MYO16: variants seen among roughly 807,000 people sequenced by gnomAD.
MYO16 encodes myosin XVI, also known as unconventional myosin-XVI.
In MYO16, 94 loss-of-function variants were observed where a neutral mutation model predicts 205.3. The ratio of observed to expected loss-of-function variants is 0.46; its 90% CI spans 0.39 to 0.54. The LOEUF (loss-of-function observed/expected upper bound fraction) is 0.54. Ranked by LOEUF, MYO16 falls within the 20% of genes least tolerant of loss-of-function variation. MYO16 has a pLI of 0.00. For synonymous variants in MYO16, 988 were observed against 954.0 expected (o/e 1.04, Z -0.66); for missense variants, 2,315 against 2,387.5 (o/e 0.97, Z 0.63).
chr13:108,622,393 G>A (rs543622008), intron 1 of MYO16, among the ~76,000 whole-genome samples: 2 of 152,202 alleles, frequency 1.3e-5, no homozygotes, highest in African/African-American at 4.8e-5. Context: ...CTGACCTTTA[G>A]GGAGTGACAG....
chr13:108,635,223 A>G (rs1880167941), intron 1 of MYO16, among the ~76,000 whole-genome samples: 1 of 152,204 alleles, frequency 6.6e-6, no homozygotes, highest in South Asian at 2.1e-4. Flanking sequence ...CAGCAATCAA[A>G]GGACTCGCAT....
intron 1 of MYO16, among the ~76,000 whole-genome samples, chr13:108,609,497 G>A (rs1372350817): frequency 2.6e-5 from 4 of 152,142 alleles, no homozygotes; most frequent in Non-Finnish European, 5.9e-5. Context: ...GTGAATGAAT[G>A]AAGGAACAAT....
chr13:109,089,036 A>G (rs1888535352), intron 27 of MYO16, among the ~76,000 whole-genome samples: 1 of 152,162 alleles, frequency 6.6e-6, no homozygotes, highest in Admixed American at 6.5e-5. Context: ...TAAGGACATT[A>G]AAATACTAGT....
intron 1 of MYO16, among the ~76,000 whole-genome samples, chr13:108,658,741 T>C (rs764412823): frequency 3.9e-4 from 60 of 152,182 alleles, no homozygotes; most frequent in Non-Finnish European, 1.6e-4. Context: ...TTCAATTATG[T>C]TAAGAAAACG....
chr13:108,878,850 C>T (rs777721595), intron 12 of MYO16, among the ~76,000 whole-genome samples: 8 of 152,234 alleles, frequency 5.3e-5, no homozygotes, highest in Non-Finnish European at 1.0e-4. Context: ...AGCCACACCC[C>T]GTCACACATC....
intron 6 of MYO16, among the ~76,000 whole-genome samples, chr13:108,801,830 T>C (rs1368182339): frequency 6.6e-6 from 1 of 152,224 alleles, no homozygotes; most frequent in Non-Finnish European, 1.5e-5. Context: ...ATTGTCTAGT[T>C]AGTACACAGT....
intron 20 of MYO16, among the ~76,000 whole-genome samples, chr13:108,965,443 G>A (rs559271928): frequency 6.6e-6 from 1 of 152,020 alleles, no homozygotes; most frequent in South Asian, 2.1e-4. Context: ...TTTCACTCTT[G>A]TTGCCCAGGC....
At chr13:108,520,312 C>T in the MYO16 span, among the ~76,000 whole-genome samples, 807 of 152,138 alleles carry the variant, frequency 5.3e-3, 12 homozygotes, top group African/African-American at 0.019. Context: ...TAGATGCATA[C>T]ACAATTATGT....
intron 4 of MYO16, among the ~76,000 whole-genome samples, chr13:108,730,374 T>C (rs1884482123): frequency 1.3e-5 from 2 of 152,166 alleles, no homozygotes; most frequent in African/African-American, 4.8e-5. Context: ...CTTTTCTTTA[T>C]AAATTACCCA....
intron 34 of MYO16, among the ~76,000 whole-genome samples, chr13:109,201,148 T>G (rs1880376339): frequency 6.6e-6 from 1 of 152,186 alleles, no homozygotes; most frequent in South Asian, 2.1e-4. Context: ...AATTGGATAT[T>G]TATTATTTCA....
chr13:109,041,558 G>A (rs1041942382), intron 23 of MYO16, among the ~76,000 whole-genome samples: 10 of 152,116 alleles, frequency 6.6e-5, no homozygotes, highest in African/African-American at 2.4e-4. Context: ...AACTGATTTT[G>A]GGGAAGTGAA....
At chr13:108,999,189 A>G (rs1198490025) in intron 21 of MYO16, among the ~76,000 whole-genome samples, 1 of 152,218 alleles carries the variant, frequency 6.6e-6, no homozygotes, top group Non-Finnish European at 1.5e-5. Flanking sequence ...GCTATTAGAT[A>G]TCAATATTGA....
intron 27 of MYO16, among the ~76,000 whole-genome samples, chr13:109,063,390 G>A (rs917551733): frequency 1.2e-4 from 19 of 152,144 alleles, no homozygotes; most frequent in African/African-American, 3.9e-4. Context: ...TTGGAGACAG[G>A]AGGAACAATA....
intron 1 of MYO16, among the ~76,000 whole-genome samples, chr13:108,658,173 T>C (rs1281998823): frequency 6.6e-6 from 1 of 152,162 alleles, no homozygotes; most frequent in Admixed American, 6.5e-5. Context: ...TAAAGACAGG[T>C]TAAATCATTT....
chr13:108,941,528 T>A (rs1447370717), intron 16 of MYO16, among the ~76,000 whole-genome samples: 2 of 151,782 alleles, frequency 1.3e-5, no homozygotes, highest in African/African-American at 4.8e-5. Flanking sequence ...AATACAAAAA[T>A]TAGCTGGGCA....
At chr13:109,142,157 A>G (rs1306867783) in intron 32 of MYO16, among the ~76,000 whole-genome samples, 2 of 152,240 alleles carry the variant, frequency 1.3e-5, no homozygotes, top group Non-Finnish European at 2.9e-5. Context: ...GGCTAACCAC[A>G]TGGCTCTTCC....
chr13:108,763,788 TGTGTG>T (rs1331342623), intron 4 of MYO16, among the ~76,000 whole-genome samples: 2 of 13,594 alleles, frequency 1.5e-4, no homozygotes, highest in Admixed American at 7.9e-4. Flanking sequence ...GAAAAGGAGT[TGTGTG>T]TGTGTGTGTG....
chr13:108,857,228 T>C (rs1462525640), intron 11 of MYO16, among the ~76,000 whole-genome samples: 3 of 152,236 alleles, frequency 2.0e-5, no homozygotes, highest in Non-Finnish European at 4.4e-5. Context: ...TCATGGACTA[T>C]CTGCCTTTAG....
At chr13:108,880,738 C>T (rs1011378511) in intron 12 of MYO16, among the ~76,000 whole-genome samples, 3 of 152,088 alleles carry the variant, frequency 2.0e-5, no homozygotes, top group Non-Finnish European at 2.9e-5. Flanking sequence ...GTTTTGGGAC[C>T]AGTACCATGC....
Sources: allele counts gnomAD v4.1 joint callset (sites outside exome capture counted in the v4.1 genomes callset), GRCh38; gene constraint gnomAD v4.1.1; transcripts MANE v1.5; gene names NCBI Gene and HGNC (gene_info 2026-07-23, HGNC 2026-07-21).